KLF12: variants seen among roughly 807,000 people sequenced by gnomAD.
KLF12 encodes Krueppel-like factor 12.
KLF12 carries 9 observed loss-of-function variants against 37.8 expected under a neutral mutation model. The ratio of observed to expected loss-of-function variants is 0.24; its 90% CI spans 0.14 to 0.42. The LOEUF is 0.42. KLF12 is among the 10% of genes least tolerant of loss of function. The pLI is 1.00. For synonymous variants in KLF12, 208 were observed against 202.1 expected (o/e 1.03, Z -0.25); for missense variants, 411 against 516.0 (o/e 0.80, Z 1.97).
At chr13:73,885,027 T>C (rs1887154198) in intron 3 of KLF12, among the ~76,000 whole-genome samples, 1 of 152,230 alleles carries the variant, frequency 6.6e-6, no homozygotes, top group Non-Finnish European at 1.5e-5. Flanking sequence ...CTCTCAGTAC[T>C]GAGATGCTTT....
chr13:74,162,046 A>G, the KLF12 span, among the ~76,000 whole-genome samples: 1 of 152,238 alleles, frequency 6.6e-6, no homozygotes, highest in Non-Finnish European at 1.5e-5. Context: ...TTAATAAGTT[A>G]TATAAATTCC....
intron 1 of KLF12, among the ~76,000 whole-genome samples, chr13:74,012,471 T>TTATATCAAAAA (rs1340363596): frequency 1.3e-5 from 2 of 152,202 alleles, no homozygotes; most frequent in Non-Finnish European, 2.9e-5. Flanking sequence ...TGTCACCTAT[T>TTATATCAAAAA]TTATATCACA....
chr13:74,259,223 C>T, the KLF12 span: 3 of 152,184 alleles, frequency 2.0e-5, no homozygotes, highest in African/African-American at 4.8e-5. Context: ...AAGCATCTGC[C>T]GCATTACCCT....
At chr13:74,181,379 A>G in the KLF12 span, among the ~76,000 whole-genome samples, 4 of 149,808 alleles carry the variant, frequency 2.7e-5, no homozygotes, top group African/African-American at 9.7e-5. Context: ...AAAAAGAAAA[A>G]TTGCCAGAAA....
intron 2 of KLF12, among the ~76,000 whole-genome samples, chr13:73,960,948 T>G (rs1891004391): frequency 6.6e-6 from 1 of 152,084 alleles, no homozygotes; most frequent in Admixed American, 6.5e-5. Context: ...TTTTATTTAT[T>G]TATTTATTTA....
chr13:73,744,173 A>C (rs1878203378), intron 6 of KLF12, among the ~76,000 whole-genome samples: 1 of 152,192 alleles, frequency 6.6e-6, no homozygotes, highest in Non-Finnish European at 1.5e-5. Context: ...ATAAGAATTC[A>C]AGTCTGACTT....
At chr13:73,988,866 A>G (rs1891893234) in intron 2 of KLF12, among the ~76,000 whole-genome samples, 1 of 152,246 alleles carries the variant, frequency 6.6e-6, no homozygotes, top group Admixed American at 6.5e-5. Context: ...CTACCAGGCA[A>G]TATGCAAATG....
chr13:73,933,188 T>C (rs759201312), intron 3 of KLF12, among the ~76,000 whole-genome samples: 1 of 152,220 alleles, frequency 6.6e-6, no homozygotes, highest in Non-Finnish European at 1.5e-5. Flanking sequence ...TATTATGAGA[T>C]GCTCAATTTT....
chr13:73,838,555 T>C (rs1884562839), intron 4 of KLF12, among the ~76,000 whole-genome samples: 1 of 152,192 alleles, frequency 6.6e-6, no homozygotes, highest in Non-Finnish European at 1.5e-5. Context: ...CACATGATTA[T>C]TTTAATAAGA....
At chr13:74,179,606 C>T in the KLF12 span, among the ~76,000 whole-genome samples, 1 of 152,102 alleles carries the variant, frequency 6.6e-6, no homozygotes, top group Admixed American at 6.5e-5. Flanking sequence ...TCTCCCTGAC[C>T]TCCATTTTAA....
chr13:73,839,738 C>T (rs947568086), intron 4 of KLF12, among the ~76,000 whole-genome samples: 1 of 152,096 alleles, frequency 6.6e-6, no homozygotes, highest in African/African-American at 2.4e-5. Flanking sequence ...TGTGAACACA[C>T]CTGCATCTTG....
the KLF12 span, among the ~76,000 whole-genome samples, chr13:74,282,011 G>C: frequency 6.6e-6 from 1 of 152,194 alleles, no homozygotes; most frequent in East Asian, 1.9e-4. Context: ...AAACACCAGG[G>C]ATCATCTGAA....
intron 1 of KLF12, among the ~76,000 whole-genome samples, chr13:74,092,727 A>T (rs1035187959): frequency 6.6e-6 from 1 of 152,220 alleles, no homozygotes; most frequent in African/African-American, 2.4e-5. Context: ...AGTATTCAGA[A>T]TATGAAAAGA....
At chr13:73,702,101 T>C (rs892955269) in intron 7 of KLF12, among the ~76,000 whole-genome samples, 27 of 152,204 alleles carry the variant, frequency 1.8e-4, no homozygotes, top group African/African-American at 5.8e-4. Flanking sequence ...GGAGTTCATG[T>C]TAAATACAAC....
chr13:74,145,662 A>G, the KLF12 span, among the ~76,000 whole-genome samples: 7 of 152,224 alleles, frequency 4.6e-5, no homozygotes, highest in African/African-American at 1.7e-4. Context: ...GTACTTACAA[A>G]TATCACTTTT....
chr13:74,129,526 A>T (rs1460796149), intron 1 of KLF12, among the ~76,000 whole-genome samples: 1 of 152,184 alleles, frequency 6.6e-6, no homozygotes, highest in Non-Finnish European at 1.5e-5. Flanking sequence ...CTCCTAATTT[A>T]TTCCACTCTC....
chr13:74,200,107 C>G, the KLF12 span, among the ~76,000 whole-genome samples: 40 of 152,150 alleles, frequency 2.6e-4, no homozygotes, highest in African/African-American at 9.2e-4. Context: ...AGAGACCAAG[C>G]TGTGATCATT....
At chr13:73,978,963 T>A (rs1593801918) in intron 2 of KLF12, among the ~76,000 whole-genome samples, 1 of 152,044 alleles carries the variant, frequency 6.6e-6, no homozygotes, top group Non-Finnish European at 1.5e-5. Flanking sequence ...CCTTGAAAAG[T>A]AAAACTATGA....
rs2137530872 is a variant in KLF12 at position 73,692,871 on chromosome 13, T to TG, written c.*2618dup. 1 of 152,762 alleles carries TG rather than the reference T, an allele frequency of 6.5e-6. No homozygotes were observed. Among genetic ancestry groups the TG allele is most frequent in the East Asian group, 1.9e-4 (1 of 5,180 alleles). The allele number at this position is 152,762 out of a possible 1,614,324, so 9.5% of individuals were successfully genotyped here. A position where few individuals can be genotyped will look rare whatever the true frequency, so the allele number is the denominator to read the frequency against. On this transcript the variant is annotated 3_prime_UTR_variant, in exon 8 of 8. Transcript: ENST00000377669. The stretch of plus-strand genomic sequence containing the variant: ...TATCAGTTAACTTACCATCTCAGTC[T>TG]GGTTTCCACTTTCAGAGGATGAGGG...
Sources: allele counts gnomAD v4.1 joint callset (sites outside exome capture counted in the v4.1 genomes callset), GRCh38; gene constraint gnomAD v4.1.1; transcripts MANE v1.5; gene names NCBI Gene and HGNC (gene_info 2026-07-23, HGNC 2026-07-21).